Variants in VAV3 observed in about 807,000 individuals in gnomAD.
The protein encoded by VAV3 is guanine nucleotide exchange factor VAV3.
In VAV3, 94 loss-of-function variants were observed where a neutral mutation model predicts 131.2. That is an observed-to-expected ratio of 0.72 (90% CI 0.61 to 0.85). The LOEUF is 0.85. Ranked by LOEUF, VAV3 falls within the 40% of genes least tolerant of loss-of-function variation. The pLI, the probability that VAV3 is intolerant of heterozygous loss-of-function variation, is 0.00. For missense variants in VAV3, 939 were observed against 1,002.7 expected, an observed-to-expected ratio of 0.94 and a Z score of 0.86; for synonymous variants, 349 against 342.0, an observed-to-expected ratio of 1.02 and a Z score of -0.22.
intron 15 of VAV3, among the ~76,000 whole-genome samples, chr1:107,717,285 G>C (rs1447973727): frequency 1.3e-5 from 2 of 152,122 alleles, no homozygotes; most frequent in Non-Finnish European, 2.9e-5. Context: ...GCTAGCTTTT[G>C]AATTTGTTTG....
chr1:107,644,424 T>C (rs1207117100), intron 19 of VAV3, among the ~76,000 whole-genome samples: 3 of 152,086 alleles, frequency 2.0e-5, no homozygotes, highest in East Asian at 1.9e-4. Flanking sequence ...AGCATCTTGT[T>C]TGGTAGACTC....
chr1:107,683,901 A>G lies in VAV3; in HGVS notation c.1732-368T>C, dbSNP rs1658834681. Among the ~76,000 whole-genome samples, 6 of 152,336 alleles carry G rather than the reference A, an allele frequency of 3.9e-5. No homozygotes were observed. In the South Asian group the frequency reaches 1.0e-3, roughly 26 times the overall value. On this transcript the variant is annotated intron_variant, in intron 18 of 26. Coordinates refer to ENST00000370056, the MANE Select transcript of VAV3 (RefSeq NM_006113.5). ...TCCCAGCCAAGACATATGAGCAACA[A>G]CAGCCTTAAACTGATCTCATAAAAC...
At chr1:107,776,501 G>A (rs1488307153) in intron 4 of VAV3, among the ~76,000 whole-genome samples, 1 of 152,208 alleles carries the variant, frequency 6.6e-6, no homozygotes, top group Admixed American at 6.5e-5. Context: ...CAGTCAAACA[G>A]GCAGAAAGAA....
chr1:107,771,420 T>C (rs1345772835), intron 5 of VAV3, among the ~76,000 whole-genome samples: 1 of 152,046 alleles, frequency 6.6e-6, no homozygotes, highest in Non-Finnish European at 1.5e-5. Context: ...GCCCAGCTAA[T>C]TTTTTGTGTT....
At chr1:107,689,810 G>A (rs147672829) in intron 17 of VAV3, among the ~76,000 whole-genome samples, 95 of 152,302 alleles carry the variant, frequency 6.2e-4, no homozygotes, top group Non-Finnish European at 9.4e-4. Flanking sequence ...GCTGGTTTGG[G>A]AAGAGGTTCT....
rs536751272 is a variant in VAV3, at chr1:107,907,659, G to A, written c.205-32642C>T. 7.1e-4 allele frequency among the ~76,000 whole-genome samples: 108 copies of A among 151,706 alleles called. 1 individual carries two copies. The highest frequency in any genetic ancestry group is 8.5e-4 in the Non-Finnish European group (58 of 67,926). ...ACCCCTCTTGCTCTCGTGTGCGTGC[G>A]TTCTCTCTCTCTCTCACACACACAC... On this transcript the variant is annotated intron_variant, in intron 1 of 26. Transcript: ENST00000370056.
chr1:107,655,945 G>A (rs1656518106), intron 19 of VAV3, among the ~76,000 whole-genome samples: 1 of 152,034 alleles, frequency 6.6e-6, no homozygotes, highest in Non-Finnish European at 1.5e-5. Context: ...AAAGACAGAG[G>A]ATAACAAACA....
chr1:107,741,133 GATACTGTAGGC>G (rs1291840854), intron 15 of VAV3, among the ~76,000 whole-genome samples: 1 of 152,228 alleles, frequency 6.6e-6, no homozygotes, highest in Non-Finnish European at 1.5e-5. Flanking sequence ...GCTTCATGCA[GATACTGTAGGC>G]ATCTCCATCT....
intron 25 of VAV3, among the ~76,000 whole-genome samples, chr1:107,587,613 T>G (rs1650604704): frequency 6.6e-6 from 1 of 152,188 alleles, no homozygotes; most frequent in African/African-American, 2.4e-5. Flanking sequence ...ATTTTTTATA[T>G]TGAGTCTCCC....
chr1:107,720,382 C>G (rs1448985286), intron 15 of VAV3, among the ~76,000 whole-genome samples: 6 of 44,368 alleles, frequency 1.4e-4, no homozygotes, highest in African/African-American at 5.8e-4. Flanking sequence ...GACACTGTCT[C>G]AAAAATAAAT....
At chr1:107,772,697 A>C in intron 5 of VAV3, 38 bp downstream of exon 5, 1 of 1,530,956 alleles carries the variant, frequency 6.5e-7, no homozygotes, top group South Asian at 1.2e-5. Context: ...TCCTAATAAA[A>C]TATTCAGAGT....
intron 20 of VAV3, among the ~76,000 whole-genome samples, chr1:107,631,505 T>C (rs1441033580): frequency 6.6e-6 from 1 of 152,010 alleles, no homozygotes; most frequent in Non-Finnish European, 1.5e-5. Flanking sequence ...CTTTTAAGTT[T>C]TAGGGTACAT....
In VAV3 at chr1:107,817,303, A is replaced by G. The variant is rs118137364; in HGVS notation, c.322-37811T>C. Among the ~76,000 whole-genome samples, 58 of 152,220 alleles carry G rather than the reference A, an allele frequency of 3.8e-4. No homozygotes were observed. The East Asian group carries it at 6.8e-3, about 18-fold the overall frequency. ...GCAGAGAGAGAGGAGGATTTCCATT[A>G]TCAGAGAAGGGCATTGGGTGTACAG... On this transcript the variant is annotated intron_variant, in intron 2 of 26. Coordinates refer to ENST00000370056, the MANE Select transcript of VAV3 (RefSeq NM_006113.5).
chr1:107,873,214 A>T (rs1670330882), intron 2 of VAV3, among the ~76,000 whole-genome samples: 1 of 152,164 alleles, frequency 6.6e-6, no homozygotes, highest in East Asian at 1.9e-4. Context: ...TGTAGTATCA[A>T]CTCTCCTACA....
chr1:107,795,957 C>A (rs547289826), intron 2 of VAV3, among the ~76,000 whole-genome samples: 1 of 152,268 alleles, frequency 6.6e-6, no homozygotes, highest in East Asian at 1.9e-4. Context: ...AACGCCCATC[C>A]CATTAAATCC....
intron 20 of VAV3, among the ~76,000 whole-genome samples, chr1:107,635,863 G>A (rs977371518): frequency 6.6e-6 from 1 of 152,152 alleles, no homozygotes; most frequent in Non-Finnish European, 1.5e-5. Flanking sequence ...TCCTATGTCC[G>A]AATAACAGCT....
chr1:107,795,811 A>G (rs1033733075), intron 2 of VAV3, among the ~76,000 whole-genome samples: 2 of 152,222 alleles, frequency 1.3e-5, no homozygotes, highest in African/African-American at 4.8e-5. Context: ...GGCCAGAGGG[A>G]CATTTTGACT....
intron 5 of VAV3, 127 bp from the exon 6 acceptor site, chr1:107,770,855 A>G: frequency 1.5e-6 from 1 of 675,264 alleles, no homozygotes; most frequent in Non-Finnish European, 2.5e-6. Context: ...TAATTGAAAG[A>G]CATCTAACTG....
intron 2 of VAV3, among the ~76,000 whole-genome samples, chr1:107,848,592 T>A (rs1669080869): frequency 1.3e-5 from 2 of 152,086 alleles, no homozygotes. Context: ...TAAGAGGTAT[T>A]TATGACAAAC....
Sources: gnomAD v4.1 joint callset for allele counts (sites outside exome capture counted in the v4.1 genomes callset) on GRCh38, gnomAD v4.1.1 for gene constraint, MANE v1.5 for transcripts, NCBI Gene and HGNC (gene_info 2026-07-23, HGNC 2026-07-21) for gene names.